Variants in TTBK2 observed in about 807,000 individuals in gnomAD.
TTBK2 encodes tau tubulin kinase 2.
TTBK2 carries 28 observed loss-of-function variants against 110.8 expected under a neutral mutation model. The observed-to-expected ratio is 0.25, with a 90% CI of 0.19 to 0.35. The LOEUF (loss-of-function observed/expected upper bound fraction) is 0.35. Ranked by LOEUF, TTBK2 falls within the 10% of genes least tolerant of loss-of-function variation. TTBK2 has a pLI of 1.00. For synonymous variants in TTBK2, 532 were observed against 527.3 expected (o/e 1.01, Z -0.12); for missense variants, 1,369 against 1,500.3 (o/e 0.91, Z 1.45).
At chr15:42,806,867 T>C (rs185395166) in intron 9 of TTBK2, among the ~76,000 whole-genome samples, 2 of 152,182 alleles carry the variant, frequency 1.3e-5, no homozygotes. Context: ...GTGTATTTTA[T>C]GTGTAGCCCA....
At chr15:42,891,932 G>A (rs993887681) in intron 1 of TTBK2, among the ~76,000 whole-genome samples, 2 of 152,060 alleles carry the variant, frequency 1.3e-5, no homozygotes, top group Admixed American at 6.6e-5. Flanking sequence ...GAATTAAAGC[G>A]AATTATAGGA....
At chr15:42,820,943 TAGG>T (rs1892266108) in intron 6 of TTBK2, among the ~76,000 whole-genome samples, 1 of 151,880 alleles carries the variant, frequency 6.6e-6, no homozygotes, top group Non-Finnish European at 1.5e-5. Flanking sequence ...CCCAGCTATT[TAGG>T]AGGATGTGGC....
intron 13 of TTBK2, among the ~76,000 whole-genome samples, chr15:42,769,356 C>G (rs138895074): frequency 0.016 from 2,422 of 152,268 alleles, 72 homozygotes; most frequent in African/African-American, 0.056. Flanking sequence ...TTTTTGCAAT[C>G]TACTCATCTG....
chr15:42,872,783 C>T (rs202024790), intron 2 of TTBK2, 25 bp from the exon 3 acceptor site: 108 of 1,613,466 alleles, frequency 6.7e-5, no homozygotes, highest in East Asian at 3.6e-4. Flanking sequence ...AGAACACACA[C>T]ACTCTAAATT....
chr15:42,858,016 G>A (rs1894012929), intron 3 of TTBK2, among the ~76,000 whole-genome samples: 1 of 152,016 alleles, frequency 6.6e-6, no homozygotes, highest in Non-Finnish European at 1.5e-5. Context: ...CTGGGAGGTG[G>A]AGGCAGCAGT....
intron 14 of TTBK2, 47 bp downstream of exon 14, chr15:42,751,927 T>C (rs372057748): frequency 1.1e-4 from 183 of 1,604,940 alleles, no homozygotes; most frequent in Non-Finnish European, 1.4e-4. Context: ...AAAGCAGATA[T>C]AGAAATGGTG....
At chr15:42,838,671 C>G (rs1470571556) in intron 4 of TTBK2, among the ~76,000 whole-genome samples, 1 of 151,910 alleles carries the variant, frequency 6.6e-6, no homozygotes, top group Non-Finnish European at 1.5e-5. Context: ...CAGAAATTAG[C>G]CGGGCATGGT....
At chr15:42,913,592 C>T (rs1439380360) in intron 1 of TTBK2, among the ~76,000 whole-genome samples, 1 of 151,712 alleles carries the variant, frequency 6.6e-6, no homozygotes, top group South Asian at 2.1e-4. Flanking sequence ...GAGCCGAGAT[C>T]ACGCCACTGC....
At chr15:42,889,708 G>A (rs980673951) in intron 1 of TTBK2, among the ~76,000 whole-genome samples, 111 of 152,014 alleles carry the variant, frequency 7.3e-4, no homozygotes, top group Middle Eastern at 6.8e-3. Flanking sequence ...ATACAAAACC[G>A]CATCCAAGCC....
At chr15:42,894,144 G>A (rs1031481365) in intron 1 of TTBK2, among the ~76,000 whole-genome samples, 3 of 152,120 alleles carry the variant, frequency 2.0e-5, no homozygotes, top group Admixed American at 2.0e-4. Context: ...CCCTGCACAC[G>A]CTCTCTTGCC....
intron 1 of TTBK2, among the ~76,000 whole-genome samples, chr15:42,898,060 G>A (rs1200455511): frequency 2.6e-5 from 4 of 152,076 alleles, no homozygotes; most frequent in Non-Finnish European, 5.9e-5. Flanking sequence ...GTGTGATGGT[G>A]CGTGCCTGTT....
chr15:42,893,710 G>A (rs1221943885), intron 1 of TTBK2, among the ~76,000 whole-genome samples: 1 of 150,710 alleles, frequency 6.6e-6, no homozygotes, highest in Non-Finnish European at 1.5e-5. Context: ...TCTTTATAAA[G>A]ATCAATACAA....
chr15:42,837,026 A>G (rs1893009994), intron 4 of TTBK2, among the ~76,000 whole-genome samples: 1 of 152,202 alleles, frequency 6.6e-6, no homozygotes, highest in Admixed American at 6.5e-5. Flanking sequence ...TATTATTACT[A>G]GCCAAAATGA....
chr15:42,763,159 T>TATAC (rs1889136196), intron 13 of TTBK2, among the ~76,000 whole-genome samples: 2 of 8,000 alleles, frequency 2.5e-4, no homozygotes, highest in Admixed American at 1.7e-3. Flanking sequence ...TATATATACA[T>TATAC]ATATATATAT....
chr15:42,773,036 C>T (rs1019617717), intron 13 of TTBK2, among the ~76,000 whole-genome samples: 1 of 152,022 alleles, frequency 6.6e-6, no homozygotes. Flanking sequence ...AACTTGCTAT[C>T]CCTGAAATAT....
In TTBK2 at chr15:42,745,108, A is replaced by G. The variant is rs2061774209; in HGVS notation, c.*687T>C. The G allele has an allele frequency of 6.5e-6, 1 of 154,380 alleles. No individual in the cohort carries two copies. Among genetic ancestry groups the G allele is most frequent in the Admixed American group, 6.5e-5 (1 of 15,286 alleles). 9.6% of individuals were successfully genotyped at this position (154,380 alleles called of 1,614,324 possible). A position where few individuals can be genotyped will look rare whatever the true frequency, so the allele number is the denominator to read the frequency against. On this transcript the variant is annotated 3_prime_UTR_variant, in exon 15 of 15. Coordinates refer to ENST00000267890, the MANE Select transcript of TTBK2 (RefSeq NM_173500.4). ...ATATGTTAAGAACTCTTGCTCTAAA[A>G]AAAAAAAATCAGGGGGACCTAAAAA...
chr15:42,914,378 G>A (rs990184928), intron 1 of TTBK2, among the ~76,000 whole-genome samples: 3 of 152,044 alleles, frequency 2.0e-5, no homozygotes, highest in East Asian at 1.9e-4. Flanking sequence ...ATGAATCACC[G>A]ATAAGCTGCT....
At chr15:42,893,886 A>G (rs898173289) in intron 1 of TTBK2, among the ~76,000 whole-genome samples, 2 of 152,204 alleles carry the variant, frequency 1.3e-5, no homozygotes, top group Non-Finnish European at 2.9e-5. Flanking sequence ...ATCAAAAACT[A>G]CAAACTACCA....
intron 12 of TTBK2, among the ~76,000 whole-genome samples, chr15:42,776,177 G>A (rs998853323): frequency 1.3e-5 from 2 of 152,178 alleles, no homozygotes; most frequent in Non-Finnish European, 2.9e-5. Flanking sequence ...CCAGATTGGA[G>A]TAGGCCAGAA....
Sources: allele counts gnomAD v4.1 joint callset (sites outside exome capture counted in the v4.1 genomes callset), GRCh38; gene constraint gnomAD v4.1.1; transcripts MANE v1.5; gene names NCBI Gene and HGNC (gene_info 2026-07-23, HGNC 2026-07-21).